The following COL13A1 variants were observed in gnomAD, a reference collection of about 807,000 sequenced individuals.
COL13A1 encodes collagen type XIII alpha 1 chain.
Under a neutral mutation model 130.9 loss-of-function variants are expected in COL13A1, and 89 were observed. The observed-to-expected ratio is 0.68, with a 90% CI of 0.57 to 0.81. The LOEUF is 0.81. COL13A1 is among the 30% of genes least tolerant of loss of function. COL13A1 has a pLI of 0.00. For missense variants in COL13A1, 879 were observed against 934.6 expected (o/e 0.94, Z 0.78); for synonymous variants, 402 against 341.6 (o/e 1.18, Z -1.95).
At chr10:69,882,550 C>G (rs1448372392) in intron 7 of COL13A1, among the ~76,000 whole-genome samples, 1 of 152,238 alleles carries the variant, frequency 6.6e-6, no homozygotes, top group Non-Finnish European at 1.5e-5. Context: ...GCAGGCCCCA[C>G]CAGCCCATTT....
rs556890744 is a variant in COL13A1 at position 69,925,349 on chromosome 10, T to C, written c.1329+342T>C. Among the ~76,000 whole-genome samples, 205 of 152,342 alleles carry C rather than the reference T, an allele frequency of 1.3e-3. 1 individual carries two copies. The highest frequency in any genetic ancestry group is 3.4e-3 in the Admixed American group (52 of 15,308). On this transcript the variant is annotated intron_variant, in intron 25 of 40. Transcript: ENST00000645393. ...CATGGAGCAGCTACCTGTGGGGATA[T>C]TTAACCTTTTATCTGTAGCTGTCTG...
At chr10:69,880,642 G>A (rs969453893) in intron 7 of COL13A1, 89 bp downstream of exon 7, 11 of 1,384,868 alleles carry the variant, frequency 7.9e-6, no homozygotes, top group Admixed American at 7.3e-5. Flanking sequence ...GGGACAGCGA[G>A]GGCGGCTGTG....
chr10:69,834,545 C>A (rs2704486), intron 2 of COL13A1, among the ~76,000 whole-genome samples: 9,548 of 152,248 alleles, frequency 0.063, 344 homozygotes, highest in East Asian at 0.14. Context: ...AATACAATAT[C>A]ACTTACATTC....
intron 10 of COL13A1, among the ~76,000 whole-genome samples, chr10:69,891,795 A>G (rs1023425479): frequency 1.3e-5 from 2 of 152,208 alleles, no homozygotes; most frequent in African/African-American, 4.8e-5. Flanking sequence ...GCACTCTGTC[A>G]TCCTCATAAC....
intron 2 of COL13A1, among the ~76,000 whole-genome samples, chr10:69,831,800 G>T (rs892503179): frequency 3.3e-5 from 5 of 152,176 alleles, no homozygotes; most frequent in African/African-American, 1.2e-4. Flanking sequence ...AGCAGTTACA[G>T]GTGTGGGCTC....
chr10:69,859,073 C>T (rs970379550), intron 2 of COL13A1, among the ~76,000 whole-genome samples: 1 of 152,158 alleles, frequency 6.6e-6, no homozygotes, highest in Admixed American at 6.5e-5. Flanking sequence ...CTCTGTGGCT[C>T]AGTTTCCTCC....
Position 69,802,421 on chromosome 10 carries a change from A to C in COL13A1, c.-3A>C. On this transcript the variant is annotated 5_prime_UTR_variant, in exon 1 of 41. Transcript: ENST00000645393. ...TATTTATTGGTTCTCAAGACGCGAG[A>C]GGATGGTAGCGGAGCGCACCCACAA... 1 of 1,487,968 alleles carries C rather than the reference A, an allele frequency of 6.7e-7. No individual in the cohort carries two copies. The highest frequency in any genetic ancestry group is 8.9e-7 in the Non-Finnish European group (1 of 1,126,100). 92.2% of individuals were successfully genotyped at this position (1,487,968 alleles called of 1,614,324 possible).
rs2065768536 is a variant in COL13A1, at chr10:69,929,086, C to T, written c.1485+87C>T. On this transcript the variant is annotated intron_variant, in intron 28 of 40. Coordinates refer to ENST00000645393, the MANE Select transcript of COL13A1 (RefSeq NM_001368882.1). Reference sequence around the variant, plus strand: ...CCTCCCCCTGTGACCCTCTCATCTTCCCAGCACTACCACCATACCCTCCTG... The same window carrying T: ...CCTCCCCCTGTGACCCTCTCATCTTTCCAGCACTACCACCATACCCTCCTG... 5 of 1,016,080 alleles carry T rather than the reference C, an allele frequency of 4.9e-6. No individual in the cohort carries two copies. In the East Asian group the frequency reaches 1.3e-4, roughly 27 times the overall value. 62.9% of individuals were successfully genotyped at this position (1,016,080 alleles called of 1,614,324 possible).
At chr10:69,898,822 C>A in intron 14 of COL13A1, 60 bp downstream of exon 14, 2 of 1,400,208 alleles carry the variant, frequency 1.4e-6, no homozygotes, top group Non-Finnish European at 2.0e-6. Flanking sequence ...GGCAAGCCTG[C>A]TGGGGCTGCA....
intron 24 of COL13A1, among the ~76,000 whole-genome samples, chr10:69,924,575 C>T (rs1025676725): frequency 1.3e-5 from 2 of 151,874 alleles, no homozygotes; most frequent in African/African-American, 4.8e-5. Context: ...TGGCAACTGA[C>T]ACCCAGACAA....
At chr10:69,847,867 G>T (rs573633678) in intron 2 of COL13A1, among the ~76,000 whole-genome samples, 1 of 152,362 alleles carries the variant, frequency 6.6e-6, no homozygotes, top group East Asian at 1.9e-4. Context: ...GTCCTCAGTG[G>T]ATGTGGGGCT....
chr10:69,941,608 C>T (rs759541864), intron 35 of COL13A1, among the ~76,000 whole-genome samples: 1 of 152,206 alleles, frequency 6.6e-6, no homozygotes, highest in African/African-American at 2.4e-5. Context: ...CCTATGACAG[C>T]ACAGTCGCCC....
Position 69,895,589 on chromosome 10 carries a change from C to T in COL13A1, c.684+13C>T. ...GTACCCACACCGGGTAAGTGAACCC[C>T]TAAAATTTAGCAGGGCACTTTGATC... On this transcript the variant is annotated intron_variant, in intron 13 of 40. Coordinates refer to ENST00000645393, the MANE Select transcript of COL13A1 (RefSeq NM_001368882.1). The T allele has an allele frequency of 3.7e-6, 6 of 1,613,870 alleles. No homozygotes were observed. Among genetic ancestry groups the T allele is most frequent in the Non-Finnish European group, 5.1e-6 (6 of 1,179,824 alleles).
intron 2 of COL13A1, among the ~76,000 whole-genome samples, chr10:69,857,932 A>G (rs1028190668): frequency 3.3e-5 from 5 of 151,482 alleles, no homozygotes; most frequent in African/African-American, 1.2e-4. Context: ...CCTGGCCAAT[A>G]TGGTGAAACC....
intron 2 of COL13A1, among the ~76,000 whole-genome samples, chr10:69,844,232 C>T (rs1852388766): frequency 2.6e-5 from 4 of 152,176 alleles, no homozygotes; most frequent in African/African-American, 9.7e-5. Context: ...TGAATGATGG[C>T]CAGCTCAGTG....
Position 69,914,186 on chromosome 10 carries a change from G to A in COL13A1, c.922-3103G>A, listed in dbSNP as rs1443316503. Among the ~76,000 whole-genome samples the A allele has an allele frequency of 2.0e-5, 3 of 152,150 alleles. No homozygotes were observed. The East Asian group carries it at 5.8e-4, about 29-fold the overall frequency. On this transcript the variant is annotated intron_variant, in intron 17 of 40. Coordinates refer to ENST00000645393, the MANE Select transcript of COL13A1 (RefSeq NM_001368882.1). ...TTGAAGCAGACACCACCTCCTCCCT[G>A]CAGGAGCACCCCTCTGGGCAGGAGG...
At chr10:69,866,983 G>A (rs750040306) in intron 2 of COL13A1, among the ~76,000 whole-genome samples, 3 of 152,098 alleles carry the variant, frequency 2.0e-5, no homozygotes, top group South Asian at 2.1e-4. Context: ...CCGCAGAAGC[G>A]CCTTTCCTTC....
chr10:69,816,223 C>T (rs988875611), intron 1 of COL13A1, among the ~76,000 whole-genome samples: 11 of 146,590 alleles, frequency 7.5e-5, no homozygotes, highest in African/African-American at 2.6e-4. Flanking sequence ...GGTCAGATCT[C>T]GGATGCGTCT....
intron 2 of COL13A1, among the ~76,000 whole-genome samples, chr10:69,864,056 G>A (rs1394191811): frequency 6.6e-6 from 1 of 152,070 alleles, no homozygotes; most frequent in Non-Finnish European, 1.5e-5. Context: ...GCAACGGAGT[G>A]AGATACTATC....
Sources: gnomAD v4.1 joint callset for allele counts (sites outside exome capture counted in the v4.1 genomes callset) on GRCh38, gnomAD v4.1.1 for gene constraint, MANE v1.5 for transcripts, NCBI Gene and HGNC (gene_info 2026-07-23, HGNC 2026-07-21) for gene names.